The following NR5A2 variants were observed in gnomAD, a reference collection of about 807,000 sequenced individuals.
NR5A2 encodes CYP7A promoter-binding factor.
A neutral mutation model predicts 62.7 loss-of-function variants in NR5A2; 26 were observed. The observed-to-expected ratio is 0.41, with a 90% CI of 0.30 to 0.58. NR5A2 has a LOEUF of 0.58. Among genes scored for constraint, NR5A2 ranks in the 20% least tolerant of loss-of-function variants. The pLI is 0.22. For synonymous variants in NR5A2, 246 were observed against 241.7 expected (o/e 1.02, Z -0.16); for missense variants, 541 against 669.1 (o/e 0.81, Z 2.11).
intron 1 of NR5A2, among the ~76,000 whole-genome samples, chr1:200,032,776 G>T (rs1661594449): frequency 6.6e-6 from 1 of 152,082 alleles, no homozygotes; most frequent in African/African-American, 2.4e-5. Flanking sequence ...TGGAATCAGA[G>T]GTCAAGCAAT....
At chr1:200,109,043 G>A (rs1452450623) in intron 5 of NR5A2, among the ~76,000 whole-genome samples, 1 of 152,180 alleles carries the variant, frequency 6.6e-6, no homozygotes, top group Admixed American at 6.5e-5. Context: ...AATACTGTTT[G>A]GGTGAACATT....
intron 5 of NR5A2, among the ~76,000 whole-genome samples, chr1:200,074,402 A>T (rs1204396406): frequency 2.0e-5 from 3 of 147,220 alleles, no homozygotes; most frequent in Non-Finnish European, 4.4e-5. Context: ...AATCTAAAAG[A>T]AAAGAAAAAA....
chr1:200,043,408 A>G (rs1662210617), intron 2 of NR5A2, among the ~76,000 whole-genome samples: 3 of 152,248 alleles, frequency 2.0e-5, no homozygotes, highest in Non-Finnish European at 4.4e-5. Flanking sequence ...CGAAGGTGAC[A>G]TTTTGGAATT....
chr1:200,174,313 G>A lies in NR5A2; in HGVS notation c.*103G>A, dbSNP rs576777421. ...AAAAAAGTACTCTGAACTGCTCCAA[G>A]TAACGCTAATTAAAAACTTGCTTTA... On this transcript the variant is annotated 3_prime_UTR_variant, in exon 8 of 8. Transcript: ENST00000367362. 5 of 1,247,404 alleles carry A rather than the reference G, an allele frequency of 4.0e-6. No individual in the cohort carries two copies. In the Admixed American group the frequency reaches 1.2e-4, roughly 29 times the overall value. 77.3% of individuals were successfully genotyped at this position (1,247,404 alleles called of 1,614,324 possible).
chr1:200,062,227 T>TTATGTGTGTGTGTGTGTGTG (rs1553267511), intron 5 of NR5A2, among the ~76,000 whole-genome samples: 49 of 145,756 alleles, frequency 3.4e-4, no homozygotes, highest in African/African-American at 1.2e-3. Flanking sequence ...CTGGCAGATT[T>TTATGTGTGTGTGTGTGTGTG]TGTGTGTGTG....
chr1:200,039,537 G>T lies in NR5A2; in HGVS notation c.65-121G>T. The stretch of plus-strand genomic sequence containing the variant: ...AGACCGGACAGGGCTCAGAGGTCCT[G>T]CCCGGCAGCCCCGAGGAGGCGGAGG... On this transcript the variant is annotated intron_variant, in intron 1 of 7. Transcript: ENST00000367362. The surrounding 1 kb of genome is among the most constrained non-coding windows in gnomAD (Gnocchi z 5.1). 1 of 1,450,340 alleles carries T rather than the reference G, an allele frequency of 6.9e-7. No individual in the cohort carries two copies. The highest frequency in any genetic ancestry group is 9.5e-7 in the Non-Finnish European group (1 of 1,056,112). 89.8% of individuals were successfully genotyped at this position (1,450,340 alleles called of 1,614,324 possible).
At chr1:200,072,498 T>C (rs2102217905) in intron 5 of NR5A2, among the ~76,000 whole-genome samples, 1 of 152,208 alleles carries the variant, frequency 6.6e-6, no homozygotes, top group African/African-American at 2.4e-5. Context: ...TGTATAAAAC[T>C]TGGAAAGAAA....
intron 1 of NR5A2, chr1:200,038,621 CCCTT>C: frequency 1.1e-6 from 1 of 944,284 alleles, no homozygotes. Context: ...GTGTTTAACT[CCCTT>C]CATCTCCTCA....
chr1:200,064,631 CG>C (rs879665764), intron 5 of NR5A2, among the ~76,000 whole-genome samples: 4 of 152,074 alleles, frequency 2.6e-5, no homozygotes, highest in Non-Finnish European at 5.9e-5. Flanking sequence ...ACTTAAGCAT[CG>C]GGGGCCAGAA....
chr1:200,144,344 T>C (rs984293354), intron 7 of NR5A2, among the ~76,000 whole-genome samples: 4 of 151,980 alleles, frequency 2.6e-5, no homozygotes, highest in African/African-American at 9.7e-5. Context: ...CAAGTTTGTG[T>C]CTCACCATTC....
chr1:200,158,901 CTT>C (rs111640682), intron 7 of NR5A2, among the ~76,000 whole-genome samples: 1 of 145,004 alleles, frequency 6.9e-6, no homozygotes, highest in Non-Finnish European at 1.5e-5. Context: ...ATGTTTGATT[CTT>C]TTTTTTTTTT....
chr1:200,149,550 G>A (rs1246941932), intron 7 of NR5A2, among the ~76,000 whole-genome samples: 1 of 152,260 alleles, frequency 6.6e-6, no homozygotes, highest in East Asian at 1.9e-4. Flanking sequence ...TCACATCCAC[G>A]TATTCCCCTC....
intron 5 of NR5A2, among the ~76,000 whole-genome samples, chr1:200,075,254 C>A (rs1469214345): frequency 6.6e-6 from 1 of 152,176 alleles, no homozygotes; most frequent in African/African-American, 2.4e-5. Flanking sequence ...ACATTGACTG[C>A]ATATCCCACT....
At chr1:200,159,458 G>C (rs1445370277) in intron 7 of NR5A2, among the ~76,000 whole-genome samples, 5 of 152,150 alleles carry the variant, frequency 3.3e-5, no homozygotes, top group African/African-American at 1.2e-4. Flanking sequence ...TAACGGGACA[G>C]TAGAGACCTC....
At chr1:200,110,261 C>T (rs1454728425) in intron 5 of NR5A2, among the ~76,000 whole-genome samples, 1 of 152,138 alleles carries the variant, frequency 6.6e-6, no homozygotes, top group Non-Finnish European at 1.5e-5. Flanking sequence ...CTAAATATGG[C>T]CATTGCATTT....
At chr1:200,079,830 GTTCA>G (rs1463252525) in intron 5 of NR5A2, among the ~76,000 whole-genome samples, 6 of 151,474 alleles carry the variant, frequency 4.0e-5, no homozygotes, top group African/African-American at 1.5e-4. Flanking sequence ...AGACACTTCT[GTTCA>G]TTCATACATG....
At chr1:200,151,482 G>GC (rs565139623) in intron 7 of NR5A2, among the ~76,000 whole-genome samples, 3 of 152,192 alleles carry the variant, frequency 2.0e-5, no homozygotes, top group Non-Finnish European at 4.4e-5. Flanking sequence ...CAAGTAAAGA[G>GC]CCCCCCGCTG....
intron 6 of NR5A2, among the ~76,000 whole-genome samples, chr1:200,114,948 C>A (rs1198792816): frequency 6.6e-6 from 1 of 152,182 alleles, no homozygotes; most frequent in Non-Finnish European, 1.5e-5. Flanking sequence ...ATATGGTCTT[C>A]ATGTGTAATT....
chr1:200,169,721 C>T (rs2247019), intron 7 of NR5A2, among the ~76,000 whole-genome samples: 26,968 of 152,110 alleles, frequency 0.18, 2,666 homozygotes, highest in East Asian at 0.36. Flanking sequence ...AAAATGCTCT[C>T]GCCAGTCATC....
Sources: gnomAD v4.1 joint callset for allele counts (sites outside exome capture counted in the v4.1 genomes callset) on GRCh38, gnomAD v4.1.1 for gene constraint, Gnocchi (gnomAD v3.1) non-coding constraint, MANE v1.5 for transcripts, NCBI Gene and HGNC (gene_info 2026-07-23, HGNC 2026-07-21) for gene names.